Variants in TATDN2 observed in about 807,000 individuals in gnomAD.
TATDN2 encodes the protein TatD DNase domain containing 2.
TATDN2 carries 44 observed loss-of-function variants against 60.3 expected under a neutral mutation model. The ratio of observed to expected loss-of-function variants is 0.73; its 90% CI spans 0.57 to 0.94. The LOEUF (loss-of-function observed/expected upper bound fraction) is 0.94, where lower values mean the gene tolerates loss of function less well. TATDN2 is among the 40% of genes least tolerant of loss of function. The pLI, the probability that TATDN2 is intolerant of heterozygous loss-of-function variation, is 0.00. For synonymous variants in TATDN2, 399 were observed against 355.8 expected (o/e 1.12, Z -1.37); for missense variants, 997 against 948.0 (o/e 1.05, Z -0.68).
At chr3:10,277,627 C>T (rs1426997456) in intron 5 of TATDN2, among the ~76,000 whole-genome samples, 1 of 152,120 alleles carries the variant, frequency 6.6e-6, no homozygotes, top group Non-Finnish European at 1.5e-5. Flanking sequence ...AGCCTCTGAC[C>T]CCTGGCTGCT....
At chr3:10,256,172 T>A (rs556444030) in intron 2 of TATDN2, among the ~76,000 whole-genome samples, 6 of 150,508 alleles carry the variant, frequency 4.0e-5, no homozygotes, top group Non-Finnish European at 8.9e-5. Context: ...TTACTATTAT[T>A]TTTTTTTTTG....
At chr3:10,260,012 T>G in intron 2 of TATDN2, 125 bp from the exon 3 acceptor site, 2 of 1,147,978 alleles carry the variant, frequency 1.7e-6, no homozygotes. Flanking sequence ...GAGAGAACCT[T>G]TGCCTTAGCC....
At chr3:10,271,797 A>AACTCCG (rs929311996) in intron 4 of TATDN2, among the ~76,000 whole-genome samples, 2 of 148,812 alleles carry the variant, frequency 1.3e-5, no homozygotes, top group Non-Finnish European at 3.0e-5. Context: ...TGCGGCCTCC[A>AACTCCG]CCTCCGCCTC....
chr3:10,275,714 C>G (rs1348902129), intron 4 of TATDN2, among the ~76,000 whole-genome samples: 3 of 152,148 alleles, frequency 2.0e-5, no homozygotes, highest in African/African-American at 7.2e-5. Context: ...CCACTACACT[C>G]CAGCCTGGGC....
intron 3 of TATDN2, among the ~76,000 whole-genome samples, chr3:10,262,260 C>T (rs1698417170): frequency 6.6e-6 from 1 of 152,220 alleles, no homozygotes; most frequent in Non-Finnish European, 1.5e-5. Context: ...GCCTCCTTCA[C>T]ATTTCTCCCG....
At chr3:10,275,190 T>G (rs1698617453) in intron 4 of TATDN2, among the ~76,000 whole-genome samples, 3 of 152,040 alleles carry the variant, frequency 2.0e-5, no homozygotes, top group Admixed American at 2.0e-4. Flanking sequence ...TTCACCATGT[T>G]GGCCAGGCTT....
chr3:10,253,793 C>T (rs891673863), intron 2 of TATDN2, among the ~76,000 whole-genome samples: 9 of 152,156 alleles, frequency 5.9e-5, no homozygotes, highest in African/African-American at 1.4e-4. Flanking sequence ...ATTTAAGCAC[C>T]TACTCTGTGT....
rs1169568184 is a variant in TATDN2, at chr3:10,254,341, AG to A, written c.414+4732del. On this transcript the variant is annotated intron_variant, in intron 2 of 7. Coordinates refer to ENST00000448281, the MANE Select transcript of TATDN2 (RefSeq NM_014760.4). ...ATCTGAGTCTTACTGATGGACAAGG[AG>A]GGGGACAGGACATTTCGGGCATAGG... Among the ~76,000 whole-genome samples, 4 of 152,168 alleles carry A rather than the reference AG, an allele frequency of 2.6e-5. No individual in the cohort carries two copies. The South Asian group carries it at 6.2e-4, about 24-fold the overall frequency.
chr3:10,279,161 C>A, intron 7 of TATDN2, 60 bp from the exon 8 acceptor site: 2 of 1,231,280 alleles, frequency 1.6e-6, no homozygotes, highest in South Asian at 1.6e-5. Flanking sequence ...GAGCATTAAG[C>A]CTGATTTGTT....
rs557647156 is a variant in TATDN2, at chr3:10,270,527, C to A, written c.1345C>A (p.Arg449Ser). ...CTGGTCCCAGAATTCTCGTTCATTT[C>A]GCTTCTCCAGAAGCTCAGAAGAAAG... ...EGWSQNSRSF[R>S]FSRSSEEREV... The change falls in exon 4 of 8, where the codon CGC (arginine) becomes AGC (serine). Residue 449 changes from arginine to serine, a missense_variant. By Grantham distance (110) the Arg-to-Ser change is moderately radical. Coordinates refer to ENST00000448281, the MANE Select transcript of TATDN2 (RefSeq NM_014760.4). 21 of 1,614,232 alleles carry A rather than the reference C, an allele frequency of 1.3e-5. No individual in the cohort carries two copies. The highest frequency in any genetic ancestry group is 1.1e-4 in the East Asian group (5 of 44,890).
At position 10,278,534 on chromosome 3, in the gene TATDN2, G is replaced by C; in HGVS notation, c.2145+72G>C. 2.5e-6 allele frequency: 4 copies of C among 1,587,052 alleles called. No homozygotes were observed. Among genetic ancestry groups the C allele is most frequent in the Non-Finnish European group, 2.6e-6 (3 of 1,159,928 alleles). Reference sequence around the variant, plus strand: ...GGGAGGTGGGTGGTCACCCTTACAAGGTTGGCAGGGCCAGAGCCCCAGTGA... The same window carrying C: ...GGGAGGTGGGTGGTCACCCTTACAACGTTGGCAGGGCCAGAGCCCCAGTGA... On this transcript the variant is annotated intron_variant, in intron 6 of 7. Transcript: ENST00000448281. This position sits in a 1 kb window ranked among gnomAD's most constrained non-coding sequence, Gnocchi z 4.7.
rs780126258 is a variant in TATDN2, at chr3:10,278,921, C to T, written c.2182C>T (p.Leu728=). 6.2e-7 allele frequency: 1 copy of T among 1,613,264 alleles called. No individual in the cohort carries two copies. The highest frequency in any genetic ancestry group is 1.7e-5 in the Admixed American group (1 of 59,634). ...CCTTTGCCAGTATGCCCACCCGGGC[C>T]TGGCCTTGCATACGGTCCGAGAGAT... ...KSLCQYAHPG[L]ALHTVREIAR... The change falls in exon 7 of 8, where the codon CTG becomes TTG. Residue 728 remains leucine (L), a synonymous_variant. Transcript: ENST00000448281. This position sits in a 1 kb window ranked among gnomAD's most constrained non-coding sequence, Gnocchi z 4.7.
intron 2 of TATDN2, among the ~76,000 whole-genome samples, chr3:10,250,059 T>C (rs1269397958): frequency 6.6e-6 from 1 of 152,186 alleles, no homozygotes; most frequent in African/African-American, 2.4e-5. Context: ...TTGTGTGCCC[T>C]TGTACTTTGA....
intron 5 of TATDN2, among the ~76,000 whole-genome samples, chr3:10,277,397 G>C (rs1278968717): frequency 6.6e-6 from 1 of 152,158 alleles, no homozygotes; most frequent in Non-Finnish European, 1.5e-5. Context: ...ATAGCATGTG[G>C]GACTGGGTGG....
At position 10,265,329 on chromosome 3, in the gene TATDN2, G is replaced by T. The variant is rs575641761; in HGVS notation, c.948+4659G>T. Among the ~76,000 whole-genome samples, 193 of 150,200 alleles carry T rather than the reference G, an allele frequency of 1.3e-3. 1 individual carries two copies. The highest frequency in any genetic ancestry group is 4.5e-3 in the African/African-American group (187 of 41,206). On this transcript the variant is annotated intron_variant, in intron 3 of 7. Coordinates refer to ENST00000448281, the MANE Select transcript of TATDN2 (RefSeq NM_014760.4). ...TGACCTCAGGTGATCCACCTGCCTC[G>T]GCCTCCCAAAGTGCTAGGATTACAG...
intron 2 of TATDN2, among the ~76,000 whole-genome samples, chr3:10,250,166 T>C (rs1698199673): frequency 1.5e-5 from 2 of 130,166 alleles, no homozygotes; most frequent in Non-Finnish European, 3.1e-5. Flanking sequence ...TTGGTGGTGC[T>C]AGTTTTTTTT....
Position 10,270,497 on chromosome 3 carries a change from G to A in TATDN2, c.1315G>A (p.Glu439Lys), listed in dbSNP as rs765699282. Reference sequence around the variant, plus strand: ...CTCCAGAGACATGGAGGCCTCAGAGGAAGGCTGGTCCCAGAATTCTCGTTC... The same window carrying A: ...CTCCAGAGACATGGAGGCCTCAGAGAAAGGCTGGTCCCAGAATTCTCGTTC... Reference protein sequence around the residue: ...NTSRDMEASEEGWSQNSRSFR... With the variant: ...NTSRDMEASEKGWSQNSRSFR... The change falls in exon 4 of 8, where the codon GAA becomes AAA. Residue 439 changes from glutamate to lysine, a missense_variant. Transcript: ENST00000448281. 1.4e-5 allele frequency: 22 copies of A among 1,614,086 alleles called. No individual in the cohort carries two copies. The African/African-American group carries it at 1.9e-4, about 14-fold the overall frequency.
intron 3 of TATDN2, 107 bp downstream of exon 3, chr3:10,260,777 C>T (rs1698390697): frequency 7.6e-7 from 1 of 1,313,744 alleles, no homozygotes; most frequent in Non-Finnish European, 1.0e-6. Context: ...TAGTACTTTA[C>T]TTAACCAGGC....
intron 2 of TATDN2, among the ~76,000 whole-genome samples, chr3:10,256,770 G>C (rs1406365792): frequency 6.6e-6 from 1 of 151,944 alleles, no homozygotes; most frequent in Admixed American, 6.6e-5. Flanking sequence ...CAGGGGTGGA[G>C]AAGCAGTCAG....
Sources: gnomAD v4.1 joint callset for allele counts (sites outside exome capture counted in the v4.1 genomes callset) on GRCh38, gnomAD v4.1.1 for gene constraint, Gnocchi (gnomAD v3.1) non-coding constraint, MANE v1.5 for transcripts, NCBI Gene and HGNC (gene_info 2026-07-23, HGNC 2026-07-21) for gene names.